ZRANB3: variants seen among roughly 807,000 people sequenced by gnomAD.
The protein encoded by ZRANB3 is DNA annealing helicase and endonuclease ZRANB3.
A neutral mutation model predicts 133.8 loss-of-function variants in ZRANB3; 125 were observed. That is an observed-to-expected ratio of 0.93 (90% CI 0.81 to 1.08). The LOEUF is 1.08. Ranked by LOEUF, ZRANB3 falls within the 50% of genes least tolerant of loss-of-function variation. The pLI is 0.00. For synonymous variants in ZRANB3, 387 were observed against 432.7 expected, an observed-to-expected ratio of 0.89 and a Z score of 1.31; for missense variants, 1,229 against 1,275.5, an observed-to-expected ratio of 0.96 and a Z score of 0.56.
At position 135,222,716 on chromosome 2, in the gene ZRANB3, A is replaced by AT. The variant is rs915175799; in HGVS notation, c.2250+1709dup. On this transcript the variant is annotated intron_variant, in intron 15 of 20. Coordinates refer to ENST00000264159, the MANE Select transcript of ZRANB3 (RefSeq NM_032143.4). ...AACAATGACATTCTTCTCACTAAATATTTTTTTGACTTGGAAAATATAATT... is the reference window on the plus strand; with the variant it reads ...AACAATGACATTCTTCTCACTAAATATTTTTTTTGACTTGGAAAATATAATT... 2.6e-5 allele frequency among the ~76,000 whole-genome samples: 4 copies of AT among 151,892 alleles called. No homozygotes were observed. In the South Asian group the frequency reaches 8.3e-4, roughly 31 times the overall value.
intron 12 of ZRANB3, among the ~76,000 whole-genome samples, chr2:135,235,587 C>T (rs1216897961): frequency 6.6e-6 from 1 of 151,700 alleles, no homozygotes; most frequent in Non-Finnish European, 1.5e-5. Flanking sequence ...AGCTTATCCA[C>T]CATGATCAAG....
rs1459722616 is a variant in ZRANB3 at position 135,271,862 on chromosome 2, CT to C, written c.1111del (p.Ser371ValfsTer25). On this transcript the variant is annotated frameshift_variant, in exon 10 of 21. Transcript: ENST00000264159. LOFTEE classifies it high-confidence loss of function. ...ATGTATTCTTTCTGAAGATGAAACA[CT>C]TCCATCTATCCTAATGTAACGAGTC... ...NKTRYIRIDGSVSSSERIHLV... is the reference protein window; with the variant it reads ...NKTRYIRIDGXVSSSERIHLV... The C allele has an allele frequency of 1.2e-6, 2 of 1,613,574 alleles. No individual in the cohort carries two copies. Among genetic ancestry groups the C allele is most frequent in the African/African-American group, 2.7e-5 (2 of 74,914 alleles).
At chr2:135,404,596 G>A (rs1381179763) in intron 2 of ZRANB3, among the ~76,000 whole-genome samples, 3 of 152,106 alleles carry the variant, frequency 2.0e-5, no homozygotes, top group Non-Finnish European at 4.4e-5. Flanking sequence ...AGGAAATACA[G>A]AGAATGCTAC....
At chr2:135,414,211 C>T (rs1688446522) in intron 2 of ZRANB3, among the ~76,000 whole-genome samples, 1 of 152,116 alleles carries the variant, frequency 6.6e-6, no homozygotes, top group Non-Finnish European at 1.5e-5. Context: ...GGAAACCCAT[C>T]TCACGTGCAG....
chr2:135,326,468 G>GT (rs1231763286), intron 6 of ZRANB3, among the ~76,000 whole-genome samples: 10 of 151,858 alleles, frequency 6.6e-5, no homozygotes, highest in South Asian at 4.2e-4. Flanking sequence ...AAAATTTATA[G>GT]TTTTTTTTAA....
At chr2:135,435,352 C>A (rs943119953) in intron 2 of ZRANB3, among the ~76,000 whole-genome samples, 1 of 152,112 alleles carries the variant, frequency 6.6e-6, no homozygotes. Flanking sequence ...CATAGTATTC[C>A]ATGGTGTATA....
At chr2:135,499,353 T>C (rs1276802657) in intron 2 of ZRANB3, among the ~76,000 whole-genome samples, 1 of 152,148 alleles carries the variant, frequency 6.6e-6, no homozygotes, top group South Asian at 2.1e-4. Flanking sequence ...AAGATGACAT[T>C]AAAATTGAGA....
chr2:135,481,207 A>T (rs545861603), intron 2 of ZRANB3, among the ~76,000 whole-genome samples: 5 of 150,848 alleles, frequency 3.3e-5, no homozygotes, highest in African/African-American at 9.8e-5. Context: ...TCCACAATGG[A>T]TGAACTAGTT....
At chr2:135,271,651 A>G (rs1680519271) in intron 10 of ZRANB3, 117 bp downstream of exon 10, 3 of 1,200,488 alleles carry the variant, frequency 2.5e-6, no homozygotes, top group Non-Finnish European at 3.4e-6. Context: ...ATTACTATTT[A>G]TTATACAAGG....
At chr2:135,366,243 C>T (rs1193396048) in intron 3 of ZRANB3, among the ~76,000 whole-genome samples, 3 of 151,934 alleles carry the variant, frequency 2.0e-5, no homozygotes, top group African/African-American at 7.3e-5. Context: ...AGAACGTACA[C>T]CCTTTTAAGA....
At chr2:135,213,889 G>A (rs1386569663) in intron 17 of ZRANB3, among the ~76,000 whole-genome samples, 1 of 152,152 alleles carries the variant, frequency 6.6e-6, no homozygotes, top group African/African-American at 2.4e-5. Flanking sequence ...CTTAAAAGCA[G>A]AAGACGAAGG....
chr2:135,510,848 G>T (rs1021136407), intron 1 of ZRANB3: 4 of 998,152 alleles, frequency 4.0e-6, no homozygotes, highest in African/African-American at 3.2e-5. Context: ...ACTCCACCAC[G>T]TTCCCATAAT....
intron 2 of ZRANB3, among the ~76,000 whole-genome samples, chr2:135,457,965 A>G (rs1690601169): frequency 6.6e-6 from 1 of 152,118 alleles, no homozygotes; most frequent in South Asian, 2.1e-4. Flanking sequence ...TTTAGGTGTC[A>G]TATCTATGAA....
intron 3 of ZRANB3, among the ~76,000 whole-genome samples, chr2:135,356,133 T>C (rs1176670296): frequency 6.6e-6 from 1 of 151,852 alleles, no homozygotes; most frequent in Non-Finnish European, 1.5e-5. Flanking sequence ...ATAGGATACG[T>C]AGAATTGGGA....
chr2:135,278,631 T>C (rs1558882155), intron 8 of ZRANB3, among the ~76,000 whole-genome samples: 4 of 152,138 alleles, frequency 2.6e-5, no homozygotes, highest in Non-Finnish European at 1.5e-5. Flanking sequence ...TGTTTAAAGA[T>C]ATTGGGAGGA....
At chr2:135,411,708 G>C (rs1383258295) in intron 2 of ZRANB3, among the ~76,000 whole-genome samples, 1 of 152,122 alleles carries the variant, frequency 6.6e-6, no homozygotes, top group Non-Finnish European at 1.5e-5. Context: ...TCACTTATAA[G>C]TGGGAGCTGA....
At chr2:135,361,894 T>C (rs1685710465) in intron 3 of ZRANB3, among the ~76,000 whole-genome samples, 1 of 152,132 alleles carries the variant, frequency 6.6e-6, no homozygotes. Flanking sequence ...CGTGATTATT[T>C]GTTCTTAGAA....
At chr2:135,366,774 T>A (rs987422517) in intron 3 of ZRANB3, among the ~76,000 whole-genome samples, 4 of 152,064 alleles carry the variant, frequency 2.6e-5, no homozygotes, top group Non-Finnish European at 5.9e-5. Flanking sequence ...ATCCCAGCAC[T>A]TTGGGAGACC....
intron 1 of ZRANB3, chr2:135,511,626 C>T (rs1559047174): frequency 1.3e-6 from 1 of 783,926 alleles, no homozygotes; most frequent in Non-Finnish European, 2.4e-6. Flanking sequence ...GCATGAATCT[C>T]CTCAAAGCCT....
Sources: gnomAD v4.1 joint callset for allele counts (sites outside exome capture counted in the v4.1 genomes callset) on GRCh38, gnomAD v4.1.1 for gene constraint, MANE v1.5 for transcripts, NCBI Gene and HGNC (gene_info 2026-07-23, HGNC 2026-07-21) for gene names.